Variants in CEP63 observed in about 807,000 individuals in gnomAD.
CEP63 encodes centrosomal protein 63.
CEP63 carries 84 observed loss-of-function variants against 89.1 expected under a neutral mutation model. The observed-to-expected ratio is 0.94, with a 90% CI of 0.79 to 1.13. The LOEUF (loss-of-function observed/expected upper bound fraction) is 1.13. Among genes scored for constraint, CEP63 ranks in the 50% most tolerant of loss-of-function variants. CEP63 has a pLI of 0.00. For missense variants in CEP63, 838 were observed against 813.3 expected (o/e 1.03, Z -0.37); for synonymous variants, 267 against 272.5 (o/e 0.98, Z 0.20).
chr3:134,610,350 G>A, the CEP63 span: 1 of 1,613,582 alleles, frequency 6.2e-7, no homozygotes. Flanking sequence ...CCTTGGAGTA[G>A]CCAGGCACGG....
In CEP63 at chr3:134,537,075, ATTAAAG is replaced by A. The variant is rs368026198; in HGVS notation, c.442-73_442-68del. On this transcript the variant is annotated intron_variant, in intron 5 of 14. Coordinates refer to ENST00000675561, the MANE Select transcript of CEP63 (RefSeq NM_001353108.3). ...AGCGTACCCAGGGACATGGGGAGAAATTAAAGTTAAAGGGAGTCTGGGAAGTAGTGA... is the reference window on the plus strand; with the variant it reads ...AGCGTACCCAGGGACATGGGGAGAAATTAAAGGGAGTCTGGGAAGTAGTGA... 42 of 898,200 alleles carry A rather than the reference ATTAAAG, an allele frequency of 4.7e-5. 1 individual carries two copies. The highest frequency in any genetic ancestry group is 1.6e-4 in the African/African-American group (10 of 61,240). The allele number at this position is 898,200 out of a possible 1,614,324, so 55.6% of individuals were successfully genotyped here. A position where few individuals can be genotyped will look rare whatever the true frequency, so the allele number is the denominator to read the frequency against.
the CEP63 span, chr3:134,608,184 TG>T: frequency 1.7e-6 from 2 of 1,167,940 alleles, no homozygotes; most frequent in African/African-American, 1.6e-5. Flanking sequence ...CAGCAGGAGT[TG>T]GGGAAGAGAA....
chr3:134,639,345 A>C, the CEP63 span, among the ~76,000 whole-genome samples: 4 of 152,140 alleles, frequency 2.6e-5, no homozygotes, highest in African/African-American at 9.7e-5. Flanking sequence ...CCCACTCAGC[A>C]GCTCTCATTA....
intron 11 of CEP63, among the ~76,000 whole-genome samples, chr3:134,550,714 T>C (rs1000016004): frequency 1.3e-5 from 2 of 152,164 alleles, no homozygotes; most frequent in African/African-American, 2.4e-5. Context: ...GACTGGCTGC[T>C]GAAGGGCTAC....
intron 3 of CEP63, among the ~76,000 whole-genome samples, chr3:134,515,814 TA>T (rs34638144): frequency 2.5e-4 from 38 of 150,588 alleles, no homozygotes; most frequent in South Asian, 8.4e-4. Context: ...CTGATAAGCT[TA>T]AAAAAAAAAT....
chr3:134,504,012 T>C (rs1043114620), intron 2 of CEP63, among the ~76,000 whole-genome samples: 2 of 152,152 alleles, frequency 1.3e-5, no homozygotes, highest in African/African-American at 4.8e-5. Flanking sequence ...AGGTGAGGAC[T>C]TAACTCTTGT....
At chr3:134,673,662 T>C in the CEP63 span, among the ~76,000 whole-genome samples, 1 of 152,154 alleles carries the variant, frequency 6.6e-6, no homozygotes, top group Non-Finnish European at 1.5e-5. Flanking sequence ...TCCATTCTTC[T>C]CTGGAACACC....
chr3:134,507,432 A>G, intron 3 of CEP63, 146 bp downstream of exon 3: 1 of 637,318 alleles, frequency 1.6e-6, no homozygotes, highest in South Asian at 2.1e-5. Context: ...TTATTTTAGA[A>G]GAAAAATTCA....
chr3:134,765,447 G>T, the CEP63 span, among the ~76,000 whole-genome samples: 10 of 152,196 alleles, frequency 6.6e-5, no homozygotes, highest in African/African-American at 2.4e-4. Flanking sequence ...GAAGCCCAGG[G>T]CAGGGGCCCC....
Position 134,559,313 on chromosome 3 carries a change from A to C in CEP63, c.1837A>C (p.Thr613Pro), listed in dbSNP as rs773533575. Residue 613 changes from threonine to proline, a missense_variant, in exon 14 of 15, where the codon ACT (threonine) becomes CCT (proline). Coordinates refer to ENST00000675561, the MANE Select transcript of CEP63 (RefSeq NM_001353108.3). ...ISPCSSTRSL[T>P]SYSLCKTHSL... ...CCCTTGCAGCTCCACCAGGTCTTTG[A>C]CTTCCTACTCTCTATGTAAAACTCA... The C allele has an allele frequency of 6.2e-6, 10 of 1,614,034 alleles. No individual in the cohort carries two copies. Among genetic ancestry groups the C allele is most frequent in the Middle Eastern group, 1.6e-4 (1 of 6,084 alleles).
At chr3:134,650,850 C>T in the CEP63 span, 2 of 1,606,868 alleles carry the variant, frequency 1.2e-6, no homozygotes, top group Non-Finnish European at 1.7e-6. Context: ...GCAGCGAGCT[C>T]GGGTTCGCCT....
At chr3:134,583,484 A>G (rs1958411147) in intron 10 of CEP63, among the ~76,000 whole-genome samples, 1 of 152,052 alleles carries the variant, frequency 6.6e-6, no homozygotes, top group Non-Finnish European at 1.5e-5. Context: ...AAGATCAGAT[A>G]GTTGTAGATG....
At chr3:134,707,201 C>T in the CEP63 span, among the ~76,000 whole-genome samples, 42 of 152,214 alleles carry the variant, frequency 2.8e-4, no homozygotes, top group Non-Finnish European at 6.0e-4. Flanking sequence ...AAGTCCTACT[C>T]AGTCTCTTTC....
At chr3:134,685,920 A>G in the CEP63 span, among the ~76,000 whole-genome samples, 601 of 152,348 alleles carry the variant, frequency 3.9e-3, 2 homozygotes, top group Non-Finnish European at 7.2e-3. Flanking sequence ...CCACGTGTTT[A>G]GGGCCTACTC....
chr3:134,756,432 C>G, the CEP63 span, among the ~76,000 whole-genome samples: 1 of 152,238 alleles, frequency 6.6e-6, no homozygotes, highest in African/African-American at 2.4e-5. Flanking sequence ...AAACCTCGAC[C>G]TCCTGGGCTT....
chr3:134,761,438 G>C, the CEP63 span, among the ~76,000 whole-genome samples: 2 of 152,240 alleles, frequency 1.3e-5, no homozygotes, highest in Admixed American at 1.3e-4. Context: ...CCTTGGCATT[G>C]TGCAGCCCTC....
At position 134,564,174 on chromosome 3, in the gene CEP63, G is replaced by GT. The variant is rs1280316389; in HGVS notation, c.*2641dup. ...TGAGGGCAAGGACTTTGCTTCTCTG[G>GT]TTCATGGTGGGATCCTCATCACCCA... On this transcript the variant is annotated 3_prime_UTR_variant, in exon 15 of 15. Transcript: ENST00000675561. 5 of 805,946 alleles carry GT rather than the reference G, an allele frequency of 6.2e-6. No homozygotes were observed. In the African/African-American group the frequency reaches 9.3e-5, roughly 15 times the overall value. 49.9% of individuals were successfully genotyped at this position (805,946 alleles called of 1,614,324 possible). A position where few individuals can be genotyped will look rare whatever the true frequency, so the allele number is the denominator to read the frequency against.
At chr3:134,698,076 A>T in the CEP63 span, among the ~76,000 whole-genome samples, 59 of 152,320 alleles carry the variant, frequency 3.9e-4, no homozygotes, top group East Asian at 0.011. Flanking sequence ...GGGATGGTGG[A>T]GACATGGGCA....
downstream of CEP63, among the ~76,000 whole-genome samples, chr3:134,566,955 A>G (rs1279743083): frequency 6.6e-6 from 1 of 152,232 alleles, no homozygotes; most frequent in East Asian, 1.9e-4. Context: ...CCACACAAAA[A>G]TTTGTACACA....
Sources: gnomAD v4.1 joint callset for allele counts (sites outside exome capture counted in the v4.1 genomes callset) on GRCh38, gnomAD v4.1.1 for gene constraint, MANE v1.5 for transcripts, NCBI Gene and HGNC (gene_info 2026-07-23, HGNC 2026-07-21) for gene names.